The following MACROD2 variants were observed in gnomAD, a reference collection of about 807,000 sequenced individuals.
MACROD2 encodes the protein mono-ADP ribosylhydrolase 2, also known as ADP-ribose glycohydrolase MACROD2.
In MACROD2, 36 loss-of-function variants were observed where a neutral mutation model predicts 70.4. The ratio of observed to expected loss-of-function variants is 0.51; its 90% CI spans 0.39 to 0.68. The LOEUF is 0.68. Ranked by LOEUF, MACROD2 falls within the 30% of genes least tolerant of loss-of-function variation. The probability of loss-of-function intolerance (pLI) is 0.00; values close to 1 mark genes in which losing one functional copy is unlikely to be tolerated. For missense variants in MACROD2, 496 were observed against 538.4 expected (o/e 0.92, Z 0.78); for synonymous variants, 172 against 178.8 (o/e 0.96, Z 0.30).
chr20:14,504,471 A>C (rs537032463), intron 4 of MACROD2, among the ~76,000 whole-genome samples: 17 of 152,204 alleles, frequency 1.1e-4, no homozygotes, highest in Non-Finnish European at 2.5e-4. Flanking sequence ...CACGAGTTCA[A>C]ATTAACTTAG....
At chr20:14,001,640 C>A (rs1163863008) in intron 1 of MACROD2, among the ~76,000 whole-genome samples, 4 of 152,032 alleles carry the variant, frequency 2.6e-5, no homozygotes, top group Admixed American at 6.5e-5. Context: ...CATGGTTCTG[C>A]AGGCAACACA....
intron 3 of MACROD2, among the ~76,000 whole-genome samples, chr20:14,376,790 T>G (rs2083375914): frequency 7.9e-6 from 1 of 127,204 alleles, no homozygotes; most frequent in Admixed American, 8.4e-5. Context: ...ATAATAATAA[T>G]AATAATAATG....
Position 15,937,496 on chromosome 20 carries a change from G to A in MACROD2, c.859G>A (p.Val287Met). 1 of 1,613,450 alleles carries A rather than the reference G, an allele frequency of 6.2e-7. No homozygotes were observed. The highest frequency in any genetic ancestry group is 1.1e-5 in the South Asian group (1 of 91,078). Residue 287 changes from valine to methionine, a missense_variant, in exon 12 of 18, where the codon GTG becomes ATG. Physicochemically the swap from Val to Met is conservative, Grantham distance 21 (BLOSUM62 1). Coordinates refer to ENST00000684519, the MANE Select transcript of MACROD2 (RefSeq NM_001351661.2). ...TATAGATGGTGTCAACACTGTCACT[G>A]TGCCCGGCCCTGCTTCAGAAGAGGC... ...QDADGVNTVTVPGPASEEAVE... is the reference protein window; with the variant it reads ...QDADGVNTVTMPGPASEEAVE...
At chr20:15,758,604 A>G (rs1233014911) in intron 8 of MACROD2, among the ~76,000 whole-genome samples, 1 of 149,976 alleles carries the variant, frequency 6.7e-6, no homozygotes, top group East Asian at 2.0e-4. Flanking sequence ...CAGTGGCACA[A>G]TCATAGCTCA....
At chr20:14,573,122 A>G (rs1252243996) in intron 4 of MACROD2, among the ~76,000 whole-genome samples, 2 of 151,976 alleles carry the variant, frequency 1.3e-5, no homozygotes, top group African/African-American at 2.4e-5. Flanking sequence ...GTGGAATAAC[A>G]TCAGGATTTG....
chr20:15,830,791 A>C (rs1335932770), intron 8 of MACROD2, among the ~76,000 whole-genome samples: 2 of 152,266 alleles, frequency 1.3e-5, no homozygotes, highest in African/African-American at 2.4e-5. Context: ...CAAATGAGAT[A>C]ATATACATCA....
intron 5 of MACROD2, among the ~76,000 whole-genome samples, chr20:14,895,771 C>T (rs1426227152): frequency 2.0e-5 from 3 of 151,870 alleles, no homozygotes; most frequent in African/African-American, 7.3e-5. Context: ...TAGTGATTAA[C>T]TTATTATCTC....
At chr20:14,383,800 A>G (rs758991375) in intron 3 of MACROD2, among the ~76,000 whole-genome samples, 12 of 152,202 alleles carry the variant, frequency 7.9e-5, no homozygotes, top group Non-Finnish European at 1.0e-4. Flanking sequence ...TAAAGAGGTA[A>G]AATGAGGTTA....
chr20:15,633,495 T>G (rs459056), intron 8 of MACROD2, among the ~76,000 whole-genome samples: 3,794 of 152,302 alleles, frequency 0.025, 138 homozygotes, highest in East Asian at 0.15. Flanking sequence ...GTGTTTTGAT[T>G]AATTCATTTT....
chr20:14,785,907 GA>G (rs1252079494), intron 5 of MACROD2, among the ~76,000 whole-genome samples: 1 of 151,858 alleles, frequency 6.6e-6, no homozygotes, highest in African/African-American at 2.4e-5. Flanking sequence ...GGGGAGCAAG[GA>G]AAAAAGATTA....
At chr20:14,822,147 A>G (rs1489810797) in intron 5 of MACROD2, among the ~76,000 whole-genome samples, 1 of 152,120 alleles carries the variant, frequency 6.6e-6, no homozygotes, top group Non-Finnish European at 1.5e-5. Context: ...GTACAAAACA[A>G]GACCCTTATT....
chr20:15,577,938 G>A (rs533725412), intron 8 of MACROD2, among the ~76,000 whole-genome samples: 1 of 152,284 alleles, frequency 6.6e-6, no homozygotes, highest in African/African-American at 2.4e-5. Context: ...GTTACCTTTA[G>A]ATATTAGCAA....
chr20:14,810,750 C>G, intron 5 of MACROD2, among the ~76,000 whole-genome samples: 1 of 152,066 alleles, frequency 6.6e-6, no homozygotes, highest in East Asian at 1.9e-4. Flanking sequence ...TCTCAGGATA[C>G]AAAATCAACA....
chr20:15,024,316 C>T (rs1251228828), intron 5 of MACROD2, among the ~76,000 whole-genome samples: 1 of 151,936 alleles, frequency 6.6e-6, no homozygotes, highest in East Asian at 1.9e-4. Flanking sequence ...GCGAATTAAG[C>T]AGCTTTAAAA....
rs780026472 is a variant in MACROD2, at chr20:15,937,551, G to A, written c.907+7G>A. 3.1e-6 allele frequency: 5 copies of A among 1,611,886 alleles called. No homozygotes were observed. The East Asian group carries it at 8.9e-5, about 29-fold the overall frequency. On this transcript the variant is annotated splice_region_variant and intron_variant, in intron 12 of 17. Transcript: ENST00000684519. ...GAAGACTGTAAAGATGAAGGTATGA[G>A]GCTACTAACTATATCTAATAATTGC...
At chr20:15,244,934 T>G (rs1232849513) in intron 6 of MACROD2, among the ~76,000 whole-genome samples, 1 of 152,236 alleles carries the variant, frequency 6.6e-6, no homozygotes, top group Non-Finnish European at 1.5e-5. Context: ...TTACTGTAAG[T>G]TATTACTTAT....
intron 9 of MACROD2, among the ~76,000 whole-genome samples, chr20:15,884,805 CT>C (rs1219055373): frequency 3.9e-5 from 6 of 152,018 alleles, no homozygotes; most frequent in Non-Finnish European, 7.4e-5. Context: ...AAATTTATTT[CT>C]GACAGTTCTG....
chr20:15,758,155 T>A (rs2051376152), intron 8 of MACROD2, among the ~76,000 whole-genome samples: 1 of 152,192 alleles, frequency 6.6e-6, no homozygotes, highest in Admixed American at 6.5e-5. Flanking sequence ...GTTAATAATT[T>A]ATGTATAAAT....
chr20:15,658,853 G>C (rs918716742), intron 8 of MACROD2, among the ~76,000 whole-genome samples: 5 of 152,132 alleles, frequency 3.3e-5, no homozygotes, highest in Admixed American at 6.5e-5. Flanking sequence ...GGATTTCTCA[G>C]GGTAGCACAT....
Sources: allele counts gnomAD v4.1 joint callset (sites outside exome capture counted in the v4.1 genomes callset), GRCh38; gene constraint gnomAD v4.1.1; transcripts MANE v1.5; gene names NCBI Gene and HGNC (gene_info 2026-07-23, HGNC 2026-07-21).